TDRP: variants seen among roughly 807,000 people sequenced by gnomAD.
The protein encoded by TDRP is testis development-related protein.
A neutral mutation model predicts 10.5 loss-of-function variants in TDRP; 12 were observed. That is an observed-to-expected ratio of 1.15 (90% CI 0.73 to 1.86). The LOEUF (loss-of-function observed/expected upper bound fraction) is 1.86, where lower values mean the gene tolerates loss of function less well. Among genes scored for constraint, TDRP ranks in the 40% most tolerant of loss-of-function variants. The pLI is 0.00. For missense variants in TDRP, 353 were observed against 229.2 expected, an observed-to-expected ratio of 1.54 and a Z score of -3.49; for synonymous variants, 139 against 95.4, an observed-to-expected ratio of 1.46 and a Z score of -2.67.
At chr8:538,376 G>C (rs549180919) in intron 1 of TDRP, among the ~76,000 whole-genome samples, 4 of 152,202 alleles carry the variant, frequency 2.6e-5, no homozygotes, top group Non-Finnish European at 4.4e-5. Flanking sequence ...AGCTGGGTCA[G>C]ATAGAGTCTG....
intron 1 of TDRP, among the ~76,000 whole-genome samples, chr8:510,485 G>A (rs1323637633): frequency 6.6e-6 from 1 of 152,182 alleles, no homozygotes; most frequent in African/African-American, 2.4e-5. Context: ...AGCTACAAGA[G>A]AAAAATGACC....
intron 1 of TDRP, among the ~76,000 whole-genome samples, chr8:505,595 T>C (rs964503485): frequency 6.6e-6 from 1 of 152,140 alleles, no homozygotes; most frequent in African/African-American, 2.4e-5. Flanking sequence ...CTTCCAGCCA[T>C]TTCCCATGAA....
chr8:544,748 G>C lies in TDRP; in HGVS notation c.10C>G (p.Leu4Val), dbSNP rs1452729817. The C allele has an allele frequency of 4.0e-6, 5 of 1,239,216 alleles. No homozygotes were observed. Among genetic ancestry groups the C allele is most frequent in the Non-Finnish European group, 5.1e-6 (5 of 989,894 alleles). 76.8% of individuals were successfully genotyped at this position (1,239,216 alleles called of 1,614,324 possible). The change falls in exon 1 of 3, where the codon CTG becomes GTG. Residue 4 changes from leucine (L) to valine (V), a missense_variant. By Grantham distance (32) the Leu-to-Val change is conservative. Coordinates refer to ENST00000324079, the MANE Select transcript of TDRP (RefSeq NM_001384899.1). MWK[L>V]GRGRVLLDEP... is the part of the protein sequence containing the mutation. ...TCCAGCAGCACTCGGCCCCGGCCCA[G>C]CTTCCACATGGTCAGGCGGGCTCCG...
chr8:509,437 A>G (rs563432577), intron 1 of TDRP, among the ~76,000 whole-genome samples: 1 of 152,266 alleles, frequency 6.6e-6, no homozygotes, highest in African/African-American at 2.4e-5. Flanking sequence ...TCAATTCTTG[A>G]CTTCGGTGCA....
chr8:515,826 ATAAT>A, intron 1 of TDRP, among the ~76,000 whole-genome samples: 1 of 152,334 alleles, frequency 6.6e-6, no homozygotes, highest in East Asian at 1.9e-4. Flanking sequence ...TATAGATTAT[ATAAT>A]TACTTTTAGA....
At chr8:517,800 C>T (rs1245125189) in intron 1 of TDRP, among the ~76,000 whole-genome samples, 19 of 152,162 alleles carry the variant, frequency 1.2e-4, no homozygotes, top group Admixed American at 1.1e-3. Context: ...AAATATTTTA[C>T]AGAGTTTGGA....
In TDRP at chr8:490,625, G is replaced by A. The variant is rs1800942117; in HGVS notation, c.*1774C>T. The A allele has an allele frequency of 6.6e-6, 1 of 152,192 alleles. No homozygotes were observed. The highest frequency in any genetic ancestry group is 2.4e-5 in the African/African-American group (1 of 41,440). 9.4% of individuals were successfully genotyped at this position (152,192 alleles called of 1,614,324 possible). ...AAAGTATTTGCAGAAGTCATGAAATGGTGTATGTTTTTACTATCCCAGCAA... is the reference window on the plus strand; with the variant it reads ...AAAGTATTTGCAGAAGTCATGAAATAGTGTATGTTTTTACTATCCCAGCAA... On this transcript the variant is annotated 3_prime_UTR_variant, in exon 3 of 3. Transcript: ENST00000324079.
chr8:501,195 G>C (rs1346742394), intron 1 of TDRP, among the ~76,000 whole-genome samples: 4 of 151,744 alleles, frequency 2.6e-5, no homozygotes, highest in African/African-American at 7.3e-5. Context: ...GACAGAGTGA[G>C]ACTCCATCTC....
intron 1 of TDRP, among the ~76,000 whole-genome samples, chr8:515,140 C>T (rs561497025): frequency 5.3e-4 from 81 of 152,222 alleles, no homozygotes; most frequent in African/African-American, 1.9e-3. Context: ...AAAGAGAAGA[C>T]GGCACTGATG....
intron 2 of TDRP, among the ~76,000 whole-genome samples, chr8:493,919 C>G (rs1384689724): frequency 6.6e-6 from 1 of 151,458 alleles, no homozygotes; most frequent in Non-Finnish European, 1.5e-5. Flanking sequence ...AAAATGCCAA[C>G]AGAGACCCTC....
intron 1 of TDRP, among the ~76,000 whole-genome samples, chr8:523,127 T>C (rs1801949490): frequency 6.6e-6 from 1 of 152,236 alleles, no homozygotes; most frequent in Admixed American, 6.5e-5. Context: ...TCCTTTAATA[T>C]TTTGTAGTGA....
chr8:503,234 C>G (rs1201611884), intron 1 of TDRP, among the ~76,000 whole-genome samples: 2 of 152,122 alleles, frequency 1.3e-5, no homozygotes, highest in South Asian at 4.2e-4. Flanking sequence ...CAATGCCCAC[C>G]TCAGCACACA....
At chr8:530,916 C>T (rs188195554) in intron 1 of TDRP, among the ~76,000 whole-genome samples, 11 of 152,260 alleles carry the variant, frequency 7.2e-5, no homozygotes, top group Admixed American at 1.3e-4. Flanking sequence ...GACCTCCATC[C>T]GCAGCACTGC....
intron 1 of TDRP, among the ~76,000 whole-genome samples, chr8:516,054 T>G (rs1052283642): frequency 1.4e-4 from 22 of 152,018 alleles, no homozygotes; most frequent in Non-Finnish European, 1.0e-4. Context: ...TTTGAATAAA[T>G]AAAGAGAAAA....
intron 1 of TDRP, among the ~76,000 whole-genome samples, chr8:500,367 G>C (rs1801254724): frequency 6.6e-6 from 1 of 152,300 alleles, no homozygotes; most frequent in African/African-American, 2.4e-5. Flanking sequence ...TACACAGGGA[G>C]CAATAAACCT....
intron 1 of TDRP, among the ~76,000 whole-genome samples, chr8:501,013 T>C (rs372040962): frequency 7.9e-5 from 12 of 152,110 alleles, no homozygotes; most frequent in African/African-American, 1.2e-4. Context: ...GAGACCATCC[T>C]GGCTAACACG....
At chr8:512,907 G>A (rs1472888747) in intron 1 of TDRP, among the ~76,000 whole-genome samples, 1 of 151,986 alleles carries the variant, frequency 6.6e-6, no homozygotes, top group Non-Finnish European at 1.5e-5. Context: ...GGGAAGTGGA[G>A]GTTGCAGTGA....
chr8:491,711 G>C lies in TDRP; in HGVS notation c.*688C>G, dbSNP rs1431803271. On this transcript the variant is annotated 3_prime_UTR_variant, in exon 3 of 3. Transcript: ENST00000324079. ...AGAGCAAATGTTTTAAGAAAATAAA[G>C]GGACCGATTTAGAAGTTCAAAAGAG... 6.7e-7 allele frequency: 1 copy of C among 1,488,398 alleles called. No homozygotes were observed. Among genetic ancestry groups the C allele is most frequent in the Non-Finnish European group, 8.8e-7 (1 of 1,131,542 alleles). The allele number at this position is 1,488,398 out of a possible 1,614,324, so 92.2% of individuals were successfully genotyped here. A position where few individuals can be genotyped will look rare whatever the true frequency, so the allele number is the denominator to read the frequency against.
At chr8:542,614 C>G (rs898701734) in intron 1 of TDRP, among the ~76,000 whole-genome samples, 2 of 151,248 alleles carry the variant, frequency 1.3e-5, no homozygotes, top group East Asian at 4.0e-4. Flanking sequence ...CCTGTAATCC[C>G]AGCACTTCAG....
Sources: allele counts gnomAD v4.1 joint callset (sites outside exome capture counted in the v4.1 genomes callset), GRCh38; gene constraint gnomAD v4.1.1; transcripts MANE v1.5; gene names NCBI Gene and HGNC (gene_info 2026-07-23, HGNC 2026-07-21).